Variants in PTPRD observed in about 807,000 individuals in gnomAD.
PTPRD encodes receptor-type tyrosine-protein phosphatase delta.
PTPRD carries 34 observed loss-of-function variants against 214.5 expected under a neutral mutation model. The observed-to-expected ratio is 0.16, with a 90% CI of 0.12 to 0.21. The LOEUF is 0.21. Among genes scored for constraint, PTPRD ranks in the 10% least tolerant of loss-of-function variants. The probability of loss-of-function intolerance (pLI) is 1.00; values close to 1 mark genes in which losing one functional copy is unlikely to be tolerated. For synonymous variants in PTPRD, 1,128 were observed against 845.7 expected (o/e 1.33, Z -5.79); for missense variants, 2,545 against 2,398.7 (o/e 1.06, Z -1.27).
chr9:9,029,015 G>T (rs2099596218), intron 10 of PTPRD, among the ~76,000 whole-genome samples: 1 of 151,892 alleles, frequency 6.6e-6, no homozygotes, highest in African/African-American at 2.4e-5. Context: ...CACTTCAACT[G>T]TGGCTAGTAA....
At chr9:9,487,703 C>T (rs2095710526) in intron 8 of PTPRD, among the ~76,000 whole-genome samples, 2 of 152,084 alleles carry the variant, frequency 1.3e-5, no homozygotes, top group Non-Finnish European at 2.9e-5. Context: ...TTAAAAACAA[C>T]CCATCTAAGT....
chr9:9,861,321 T>C (rs911762771), intron 5 of PTPRD, among the ~76,000 whole-genome samples: 3 of 152,146 alleles, frequency 2.0e-5, no homozygotes, highest in East Asian at 1.9e-4. Context: ...GACAGAGTCT[T>C]GCTCTGTCTC....
intron 9 of PTPRD, among the ~76,000 whole-genome samples, chr9:9,364,311 T>C (rs1054815278): frequency 3.3e-5 from 5 of 151,410 alleles, no homozygotes; most frequent in African/African-American, 7.3e-5. Flanking sequence ...GTAAACAAAA[T>C]TGTGAAGAGA....
intron 10 of PTPRD, among the ~76,000 whole-genome samples, chr9:9,052,797 T>C (rs1429709804): frequency 2.0e-5 from 3 of 152,208 alleles, no homozygotes; most frequent in Non-Finnish European, 4.4e-5. Context: ...GAATTTTATG[T>C]CACTTGAGGC....
chr9:8,984,485 G>A (rs1049089339), intron 11 of PTPRD, among the ~76,000 whole-genome samples: 2 of 152,044 alleles, frequency 1.3e-5, no homozygotes, highest in African/African-American at 4.8e-5. Flanking sequence ...GCATCATACT[G>A]ATGGAAATTG....
chr9:9,223,918 C>G (rs902474629), intron 9 of PTPRD, among the ~76,000 whole-genome samples: 1 of 151,852 alleles, frequency 6.6e-6, no homozygotes, highest in Non-Finnish European at 1.5e-5. Flanking sequence ...GCTTGCATGG[C>G]TGAAATGAAT....
At chr9:9,670,878 G>C (rs73390951) in intron 7 of PTPRD, among the ~76,000 whole-genome samples, 19,484 of 152,250 alleles carry the variant, frequency 0.13, 1,568 homozygotes, top group African/African-American at 0.22. Flanking sequence ...GTGCACTCAT[G>C]GAGAACTCTG....
intron 5 of PTPRD, among the ~76,000 whole-genome samples, chr9:9,819,624 T>C (rs770353418): frequency 6.6e-6 from 1 of 152,102 alleles, no homozygotes; most frequent in African/African-American, 2.4e-5. Flanking sequence ...GTACTGAGCA[T>C]AGTCCCCAAC....
chr9:9,981,662 C>T (rs372315572), intron 4 of PTPRD, among the ~76,000 whole-genome samples: 1 of 151,912 alleles, frequency 6.6e-6, no homozygotes, highest in South Asian at 2.1e-4. Context: ...GTCTGGCCAA[C>T]GATTCTACAT....
intron 2 of PTPRD, among the ~76,000 whole-genome samples, chr9:10,409,215 G>A (rs1378889373): frequency 6.6e-6 from 1 of 151,726 alleles, no homozygotes; most frequent in African/African-American, 2.4e-5. Context: ...TATAGAGTAT[G>A]ACTTGTTAAA....
chr9:10,149,093 C>G (rs2099043281), intron 3 of PTPRD, among the ~76,000 whole-genome samples: 1 of 152,148 alleles, frequency 6.6e-6, no homozygotes, highest in Admixed American at 6.6e-5. Flanking sequence ...TGAAGCAGAG[C>G]TCTCTCCATA....
At chr9:9,096,880 G>T (rs1210273795) in intron 10 of PTPRD, among the ~76,000 whole-genome samples, 1 of 152,194 alleles carries the variant, frequency 6.6e-6, no homozygotes, top group East Asian at 1.9e-4. Flanking sequence ...GATGATATCT[G>T]AGGTACACTT....
At position 8,713,385 on chromosome 9, in the gene PTPRD, G is replaced by GC. The variant is rs1490829509; in HGVS notation, c.64+20394dup. 36 of 1,076,132 alleles carry GC rather than the reference G, an allele frequency of 3.3e-5. No homozygotes were observed. In the East Asian group the frequency reaches 8.4e-4, roughly 25 times the overall value. The allele number at this position is 1,076,132 out of a possible 1,614,324, so 66.7% of individuals were successfully genotyped here. On this transcript the variant is annotated intron_variant, in intron 12 of 45. Transcript: ENST00000381196. ...TGCCCACTCCCAAATGCCACACACCGCCCCTCTACCGCATGCGAATCTTTG... is the reference window on the plus strand; with the variant it reads ...TGCCCACTCCCAAATGCCACACACCGCCCCCTCTACCGCATGCGAATCTTTG...
chr9:10,491,968 G>C (rs1013661291), intron 2 of PTPRD, among the ~76,000 whole-genome samples: 9 of 152,078 alleles, frequency 5.9e-5, no homozygotes, highest in African/African-American at 2.2e-4. Context: ...GCAGTGTTTG[G>C]TTTTCTGTTC....
At chr9:9,093,566 C>G (rs1011399894) in intron 10 of PTPRD, among the ~76,000 whole-genome samples, 2 of 151,534 alleles carry the variant, frequency 1.3e-5, no homozygotes, top group Non-Finnish European at 2.9e-5. Context: ...TTAAATAACA[C>G]AGAACTTTCT....
At chr9:10,129,499 CTTT>C (rs35281382) in intron 3 of PTPRD, among the ~76,000 whole-genome samples, 16,108 of 125,748 alleles carry the variant, frequency 0.13, 994 homozygotes, top group South Asian at 0.27. Flanking sequence ...TTTTTCTTTC[CTTT>C]TTTTTTTTTT....
chr9:9,611,729 A>G (rs932649599), intron 7 of PTPRD, among the ~76,000 whole-genome samples: 2 of 152,130 alleles, frequency 1.3e-5, no homozygotes, highest in African/African-American at 4.8e-5. Context: ...ACACATGTAT[A>G]TTTATTGACT....
At chr9:9,449,006 C>T (rs2091347580) in intron 8 of PTPRD, among the ~76,000 whole-genome samples, 1 of 152,040 alleles carries the variant, frequency 6.6e-6, no homozygotes, top group African/African-American at 2.4e-5. Flanking sequence ...TTCAGCTTCG[C>T]AAAGCATGTC....
rs144066619 is a variant in PTPRD at position 9,581,251 on chromosome 9, T to C, written c.-286-6470A>G. The stretch of plus-strand genomic sequence containing the variant: ...ATGCTAAATTGAACTTATGCATTAT[T>C]TATCAGACATGTCAAATTCTAGAGT... On this transcript the variant is annotated intron_variant, in intron 7 of 45. Coordinates refer to ENST00000381196, the MANE Select transcript of PTPRD (RefSeq NM_002839.4). Among the ~76,000 whole-genome samples the C allele has an allele frequency of 3.0e-3, 452 of 152,232 alleles. 1 individual carries two copies. The highest frequency in any genetic ancestry group is 5.2e-3 in the Non-Finnish European group (355 of 67,994).
Sources: allele counts gnomAD v4.1 joint callset (sites outside exome capture counted in the v4.1 genomes callset), GRCh38; gene constraint gnomAD v4.1.1; transcripts MANE v1.5; gene names NCBI Gene and HGNC (gene_info 2026-07-23, HGNC 2026-07-21).